Variants in BAZ1A observed in about 807,000 individuals in gnomAD.
The protein encoded by BAZ1A is bromodomain adjacent to zinc finger domain 1A, also known as bromodomain adjacent to zinc finger domain protein 1A.
BAZ1A carries 50 observed loss-of-function variants against 185.2 expected under a neutral mutation model. That is an observed-to-expected ratio of 0.27 (90% CI 0.22 to 0.34). BAZ1A has a LOEUF of 0.34. Ranked by LOEUF, BAZ1A falls within the 10% of genes least tolerant of loss-of-function variation. BAZ1A has a pLI of 1.00. For missense variants in BAZ1A, 1,356 were observed against 1,839.9 expected, an observed-to-expected ratio of 0.74 and a Z score of 4.81; for synonymous variants, 571 against 615.6, an observed-to-expected ratio of 0.93 and a Z score of 1.07.
chr14:34,800,954 T>C (rs986229089), intron 8 of BAZ1A, 140 bp downstream of exon 8: 1 of 598,768 alleles, frequency 1.7e-6, no homozygotes, highest in East Asian at 3.1e-5. Flanking sequence ...AAATAAACAA[T>C]AGTTATCTGA....
chr14:34,871,082 TTA>T (rs2042942336), intron 2 of BAZ1A, among the ~76,000 whole-genome samples: 1 of 152,240 alleles, frequency 6.6e-6, no homozygotes, highest in Non-Finnish European at 1.5e-5. Context: ...GTTATTTTAT[TTA>T]TGAGATTAAG....
intron 3 of BAZ1A, among the ~76,000 whole-genome samples, chr14:34,842,151 T>C (rs1174210667): frequency 1.3e-5 from 2 of 152,054 alleles, no homozygotes; most frequent in Non-Finnish European, 2.9e-5. Context: ...ATGGATTATA[T>C]AAAATTTGCC....
At position 34,776,158 on chromosome 14, in the gene BAZ1A, G is replaced by A. The variant is rs775452820; in HGVS notation, c.2594C>T (p.Ser865Phe). 2 of 1,614,214 alleles carry A rather than the reference G, an allele frequency of 1.2e-6. No individual in the cohort carries two copies. Among genetic ancestry groups the A allele is most frequent in the Non-Finnish European group, 1.7e-6 (2 of 1,180,028 alleles). Residue 865 changes from serine (S) to phenylalanine (F), a missense_variant, in exon 18 of 27, where the codon TCT becomes TTT. By Grantham distance (155) the Ser-to-Phe change is radical (BLOSUM62 -2). Coordinates refer to ENST00000360310, the MANE Select transcript of BAZ1A (RefSeq NM_013448.3). ...TTGGTCAATGTTGGAGGTAGATTCA[G>A]ACATCAAAGGCTCTCCAGTTTTAGT... Reference protein sequence around the residue: ...VSTKTGEPLMSESTSNIDQGP... With the variant: ...VSTKTGEPLMFESTSNIDQGP...
At chr14:34,762,687 C>G (rs566070656) in intron 23 of BAZ1A, among the ~76,000 whole-genome samples, 2 of 152,236 alleles carry the variant, frequency 1.3e-5, no homozygotes, top group Admixed American at 1.3e-4. Context: ...CCAGGCTGGT[C>G]TCAAACTCCT....
chr14:34,849,819 T>C (rs2042570001), intron 3 of BAZ1A, among the ~76,000 whole-genome samples: 1 of 152,344 alleles, frequency 6.6e-6, no homozygotes, highest in Admixed American at 6.5e-5. Context: ...GCTGTCAGTA[T>C]ACCCACCTTT....
At chr14:34,818,474 T>C (rs1175724258) in intron 4 of BAZ1A, among the ~76,000 whole-genome samples, 1 of 152,182 alleles carries the variant, frequency 6.6e-6, no homozygotes, top group Non-Finnish European at 1.5e-5. Flanking sequence ...TAAATATACA[T>C]TTTTTAAATT....
chr14:34,788,970 G>A (rs928197956), intron 12 of BAZ1A, among the ~76,000 whole-genome samples: 1 of 152,118 alleles, frequency 6.6e-6, no homozygotes, highest in Admixed American at 6.5e-5. Context: ...TACAATCATC[G>A]ACAATTTCAT....
At chr14:34,794,966 C>A (rs1323658324) in intron 10 of BAZ1A, 79 bp from the exon 11 acceptor site, 9 of 1,536,242 alleles carry the variant, frequency 5.9e-6, no homozygotes, top group Non-Finnish European at 7.9e-6. Context: ...ATACTTTTTA[C>A]CTAACTATTA....
intron 25 of BAZ1A, among the ~76,000 whole-genome samples, chr14:34,758,036 A>C (rs553577474): frequency 4.8e-4 from 71 of 148,478 alleles, no homozygotes; most frequent in South Asian, 1.8e-3. Flanking sequence ...TGTGAGCCAC[A>C]GCGCCCGGCC....
intron 2 of BAZ1A, among the ~76,000 whole-genome samples, chr14:34,873,987 C>G (rs1186042422): frequency 6.6e-6 from 1 of 152,178 alleles, no homozygotes; most frequent in African/African-American, 2.4e-5. Context: ...AACGTCAGAC[C>G]CCACTCCCGA....
intron 2 of BAZ1A, among the ~76,000 whole-genome samples, chr14:34,864,908 C>G (rs972497820): frequency 3.9e-5 from 6 of 151,922 alleles, no homozygotes; most frequent in Non-Finnish European, 7.4e-5. Flanking sequence ...TCCCAAGTAG[C>G]TGGGACTAAA....
intron 3 of BAZ1A, among the ~76,000 whole-genome samples, chr14:34,850,727 C>CT (rs2042583498): frequency 6.6e-6 from 1 of 152,206 alleles, no homozygotes; most frequent in South Asian, 2.1e-4. Flanking sequence ...TCTGCCACTT[C>CT]TCTGTAGCAA....
chr14:34,772,945 T>C (rs1482437987), intron 20 of BAZ1A, among the ~76,000 whole-genome samples: 2 of 152,172 alleles, frequency 1.3e-5, no homozygotes, highest in Admixed American at 1.3e-4. Flanking sequence ...GAAGAATTGC[T>C]TGAACCAGGG....
chr14:34,776,822 G>A lies in BAZ1A; in HGVS notation c.2237-307C>T, dbSNP rs538967275. Among the ~76,000 whole-genome samples the A allele has an allele frequency of 3.9e-5, 6 of 152,238 alleles. No homozygotes were observed. In the South Asian group the frequency reaches 1.2e-3, roughly 32 times the overall value. On this transcript the variant is annotated intron_variant, in intron 17 of 26. Transcript: ENST00000360310. ...AGCCATGTAAGGATATAGCAAGAAG[G>A]CACTGTCTGCAAGCCAAGAAAAAGC... is the stretch of plus-strand genomic sequence containing the variant.
intron 24 of BAZ1A, among the ~76,000 whole-genome samples, chr14:34,760,578 G>C (rs1157959063): frequency 6.6e-6 from 1 of 151,446 alleles, no homozygotes; most frequent in Admixed American, 6.6e-5. Flanking sequence ...GGCCAGGTGT[G>C]GTGGCGCACA....
At chr14:34,802,014 G>A (rs1370123587) in intron 7 of BAZ1A, among the ~76,000 whole-genome samples, 1 of 151,792 alleles carries the variant, frequency 6.6e-6, no homozygotes, top group Non-Finnish European at 1.5e-5. Flanking sequence ...AATATCTCAG[G>A]AAAAACTGGT....
chr14:34,826,049 T>C lies in BAZ1A; in HGVS notation c.500A>G (p.Asp167Gly). The change falls in exon 4 of 27, where the codon GAT becomes GGT. Residue 167 changes from aspartate to glycine, a missense_variant. By Grantham distance (94) the Asp-to-Gly change is moderately conservative (BLOSUM62 -1). This residue lies in a region of BAZ1A where 332 missense variants were observed against 395.3 expected (regional missense o/e 0.84). Transcript: ENST00000360310. ...AGAACAGCTTTGTGTTTCTGAATCA[T>C]CACTATCACTGATGATAATAGTTTC... The part of the protein sequence containing the change: ...DGETIIISDS[D>G]DSETQSCSFQ... The C allele has an allele frequency of 1.3e-6, 2 of 1,598,052 alleles. No homozygotes were observed. Among genetic ancestry groups the C allele is most frequent in the South Asian group, 2.3e-5 (2 of 87,980 alleles).
intron 25 of BAZ1A, among the ~76,000 whole-genome samples, chr14:34,757,894 C>A (rs12881980): frequency 6.6e-6 from 1 of 150,808 alleles, no homozygotes; most frequent in Non-Finnish European, 1.5e-5. Flanking sequence ...CTACAGGCGC[C>A]TGCCACCACG....
At chr14:34,849,152 T>G (rs745542042) in intron 3 of BAZ1A, among the ~76,000 whole-genome samples, 8 of 152,104 alleles carry the variant, frequency 5.3e-5, no homozygotes, top group Non-Finnish European at 1.0e-4. Context: ...TAGCCAGGTG[T>G]GGTGGCACAT....
Sources: gnomAD v4.1 joint callset for allele counts (sites outside exome capture counted in the v4.1 genomes callset) on GRCh38, gnomAD v4.1.1 for gene constraint, gnomAD v4.1.1 regional missense constraint, MANE v1.5 for transcripts, NCBI Gene and HGNC (gene_info 2026-07-23, HGNC 2026-07-21) for gene names.